The following PBX4 variants were observed in gnomAD, a reference collection of about 807,000 sequenced individuals.
The protein encoded by PBX4 is PBX homeobox 4.
PBX4 carries 26 observed loss-of-function variants against 35.1 expected under a neutral mutation model. That is an observed-to-expected ratio of 0.74 (90% CI 0.54 to 1.03). PBX4 has a LOEUF of 1.03. Among genes scored for constraint, PBX4 ranks in the 50% least tolerant of loss-of-function variants. PBX4 has a pLI of 0.00. For missense variants in PBX4, 448 were observed against 504.3 expected (o/e 0.89, Z 1.07); for synonymous variants, 199 against 204.2 (o/e 0.97, Z 0.22).
intron 2 of PBX4, among the ~76,000 whole-genome samples, chr19:19,573,370 C>CACACAT (rs869050370): frequency 3.6e-5 from 5 of 138,104 alleles, no homozygotes; most frequent in African/African-American, 1.1e-4. Flanking sequence ...CACACACACA[C>CACACAT]ATATAGGATA....
chr19:19,563,385 T>C lies in PBX4; in HGVS notation c.1032+124A>G. 1 of 716,962 alleles carries C rather than the reference T, an allele frequency of 1.4e-6. No homozygotes were observed. The highest frequency in any genetic ancestry group is 2.0e-5 in the South Asian group (1 of 50,432). 44.4% of individuals were successfully genotyped at this position (716,962 alleles called of 1,614,324 possible). On this transcript the variant is annotated intron_variant, in intron 7 of 7. Transcript: ENST00000251203. This position sits in a 1 kb window ranked among gnomAD's most constrained non-coding sequence, Gnocchi z 5.1. ...GTGCCCCAGAGGTGGCCGCGCAGCA[T>C]GGCCTGTGTGGCTGCTGGGACCTCT...
At chr19:19,601,609 G>T (rs191668540) in intron 1 of PBX4, among the ~76,000 whole-genome samples, 50 of 152,266 alleles carry the variant, frequency 3.3e-4, no homozygotes, top group African/African-American at 1.1e-3. Flanking sequence ...TATCTGGGGG[G>T]GCCTACTGTC....
Position 19,569,481 on chromosome 19 carries a change from G to A in PBX4, c.736C>T (p.Leu246=). 1 of 1,613,348 alleles carries A rather than the reference G, an allele frequency of 6.2e-7. No homozygotes were observed. The highest frequency in any genetic ancestry group is 8.5e-7 in the Non-Finnish European group (1 of 1,179,630). Residue 246 remains leucine (L), a synonymous_variant, in exon 5 of 8, where the codon CTG becomes TTG. Coordinates refer to ENST00000251203, the MANE Select transcript of PBX4 (RefSeq NM_025245.3). ...PYPSEEAKEE[L]ARKGGLTISQ... is the part of the protein sequence containing the mutation. The stretch of plus-strand genomic sequence containing the variant: ...ATGGTGAGGCCGCCCTTCCTGGCCA[G>A]CTCTTCTTTGGCTTCTTCGCTGGGG...
rs1021338071 is a variant in PBX4 at position 19,570,579 on chromosome 19, A to G, written c.441+7T>C. 1.2e-6 allele frequency: 2 copies of G among 1,611,046 alleles called. No individual in the cohort carries two copies. The highest frequency in any genetic ancestry group is 8.5e-7 in the Non-Finnish European group (1 of 1,177,484). On this transcript the variant is annotated splice_region_variant and intron_variant, in intron 3 of 7. Coordinates refer to ENST00000251203, the MANE Select transcript of PBX4 (RefSeq NM_025245.3). The stretch of plus-strand genomic sequence containing the variant: ...ATGACAGAAACTCTTCCATGCAGAA[A>G]GATCACCTGTTCATATTTCTCTAGC...
At chr19:19,573,440 G>A (rs1268404163) in intron 2 of PBX4, among the ~76,000 whole-genome samples, 1 of 150,828 alleles carries the variant, frequency 6.6e-6, no homozygotes, top group Non-Finnish European at 1.5e-5. Flanking sequence ...AGCAATATGA[G>A]AAAAGTGGGA....
intron 1 of PBX4, among the ~76,000 whole-genome samples, chr19:19,616,976 C>A (rs1237112084): frequency 6.6e-6 from 1 of 152,172 alleles, no homozygotes; most frequent in Non-Finnish European, 1.5e-5. Flanking sequence ...GCCACCGCAC[C>A]TGGCCCCAGC....
chr19:19,569,590 A>G lies in PBX4; in HGVS notation c.633-6T>C. The G allele has an allele frequency of 6.2e-7, 1 of 1,613,156 alleles. No homozygotes were observed. Among genetic ancestry groups the G allele is most frequent in the Non-Finnish European group, 8.5e-7 (1 of 1,179,588 alleles). On this transcript the variant is annotated splice_polypyrimidine_tract_variant and splice_region_variant and intron_variant, in intron 4 of 7. Coordinates refer to ENST00000251203, the MANE Select transcript of PBX4 (RefSeq NM_025245.3). ...TGAAATTCCGCCGCTTGCGCCTGCA[A>G]AAACAGCCGCCTTCGTAGGCATTAA...
Position 19,568,672 on chromosome 19 carries a change from TCCCTCAGGGAGCTCATACTCTGTCTGTAA to T in PBX4, c.768+748_768+776del, listed in dbSNP as rs772149806. 3.7e-3 allele frequency among the ~76,000 whole-genome samples: 564 copies of T among 150,772 alleles called. 1 individual carries two copies. Among genetic ancestry groups the T allele is most frequent in the Non-Finnish European group, 6.1e-3 (411 of 67,824 alleles). ...TCAGGAAGCTCACACTCCGTCTGTA[TCCCTCAGGGAGCTCATACTCTGTCTGTAA>T]CCCTCAGGGAGCTCACACTCTGTCT... On this transcript the variant is annotated intron_variant, in intron 5 of 7. Transcript: ENST00000251203.
At chr19:19,572,070 C>CTTTTTT (rs1249792389) in intron 2 of PBX4, among the ~76,000 whole-genome samples, 44 of 69,126 alleles carry the variant, frequency 6.4e-4, no homozygotes, top group Non-Finnish European at 7.2e-4. Context: ...TAGAATCAGG[C>CTTTTTT]TTTTTTTTTT....
chr19:19,571,571 G>A (rs532720942), intron 2 of PBX4, among the ~76,000 whole-genome samples: 1 of 152,260 alleles, frequency 6.6e-6, no homozygotes, highest in East Asian at 1.9e-4. Flanking sequence ...GTCAGCTACA[G>A]GGCAGTCAGA....
chr19:19,569,839 G>A (rs2061369310), intron 4 of PBX4, among the ~76,000 whole-genome samples: 1 of 152,208 alleles, frequency 6.6e-6, no homozygotes, highest in South Asian at 2.1e-4. Context: ...GAACCTGGGA[G>A]GCGGAGGTTG....
chr19:19,585,974 G>A (rs146474416), intron 2 of PBX4, among the ~76,000 whole-genome samples: 65 of 152,288 alleles, frequency 4.3e-4, no homozygotes, highest in African/African-American at 1.3e-3. Context: ...ACGGACGCGT[G>A]AGAAATGAAG....
intron 5 of PBX4, among the ~76,000 whole-genome samples, chr19:19,565,651 C>T (rs2061337267): frequency 6.6e-6 from 1 of 152,144 alleles, no homozygotes; most frequent in South Asian, 2.1e-4. Context: ...GGCGTGGTGG[C>T]TCACGCCTGT....
intron 1 of PBX4, among the ~76,000 whole-genome samples, chr19:19,603,298 GTTTTTTTTCTTTTTTTC>G: frequency 6.6e-6 from 1 of 151,812 alleles, no homozygotes; most frequent in East Asian, 1.9e-4. Flanking sequence ...AGTCAAAGGG[GTTTTTTTTCTTTTTTTC>G]TTTTTTTTCT....
At chr19:19,592,475 G>A (rs1316901390) in intron 2 of PBX4, among the ~76,000 whole-genome samples, 1 of 152,136 alleles carries the variant, frequency 6.6e-6, no homozygotes, top group Non-Finnish European at 1.5e-5. Flanking sequence ...CTGACCCCAG[G>A]AGACAAGCTT....
intron 2 of PBX4, among the ~76,000 whole-genome samples, chr19:19,591,883 C>G (rs2061530591): frequency 6.6e-6 from 1 of 152,148 alleles, no homozygotes; most frequent in African/African-American, 2.4e-5. Context: ...TTTTTAGAGG[C>G]AGAGTCTCAC....
At chr19:19,585,092 C>A (rs562750182) in intron 2 of PBX4, among the ~76,000 whole-genome samples, 1 of 152,050 alleles carries the variant, frequency 6.6e-6, no homozygotes, top group Non-Finnish European at 1.5e-5. Flanking sequence ...CTAGGACAGG[C>A]GCTAGAACAG....
chr19:19,573,949 C>T (rs866807520), intron 2 of PBX4, among the ~76,000 whole-genome samples: 1 of 152,152 alleles, frequency 6.6e-6, no homozygotes, highest in Non-Finnish European at 1.5e-5. Flanking sequence ...AGGCTAATCT[C>T]GAATTCCTGA....
At chr19:19,584,933 A>G (rs899251357) in intron 2 of PBX4, among the ~76,000 whole-genome samples, 1 of 151,796 alleles carries the variant, frequency 6.6e-6, no homozygotes, top group African/African-American at 2.4e-5. Flanking sequence ...GGGCTGTTTT[A>G]TCTTATGGTT....
Sources: gnomAD v4.1 joint callset for allele counts (sites outside exome capture counted in the v4.1 genomes callset) on GRCh38, gnomAD v4.1.1 for gene constraint, Gnocchi (gnomAD v3.1) non-coding constraint, MANE v1.5 for transcripts, NCBI Gene and HGNC (gene_info 2026-07-23, HGNC 2026-07-21) for gene names.